The following PALLD variants were observed in gnomAD, a reference collection of about 807,000 sequenced individuals.
PALLD encodes palladin, cytoskeletal associated protein.
A neutral mutation model predicts 123.5 loss-of-function variants in PALLD; 61 were observed. The observed-to-expected ratio is 0.49, with a 90% CI of 0.40 to 0.61. The LOEUF (loss-of-function observed/expected upper bound fraction) is 0.61. Ranked by LOEUF, PALLD falls within the 20% of genes least tolerant of loss-of-function variation. PALLD has a pLI of 0.00. For missense variants in PALLD, 1,273 were observed against 1,377.0 expected (o/e 0.92, Z 1.20); for synonymous variants, 465 against 496.4 (o/e 0.94, Z 0.84).
chr4:168,614,700 A>G (rs1340043760), intron 2 of PALLD, among the ~76,000 whole-genome samples: 1 of 152,202 alleles, frequency 6.6e-6, no homozygotes, highest in African/African-American at 2.4e-5. Flanking sequence ...TTTCTCTATT[A>G]ACTATTTAAA....
At chr4:168,521,982 T>C (rs1763611786) in intron 2 of PALLD, among the ~76,000 whole-genome samples, 2 of 152,224 alleles carry the variant, frequency 1.3e-5, no homozygotes, top group South Asian at 4.1e-4. Context: ...TCCTCCTTCA[T>C]ACAACTAATT....
At chr4:168,808,324 C>T (rs1309760959) in intron 10 of PALLD, among the ~76,000 whole-genome samples, 24 of 151,392 alleles carry the variant, frequency 1.6e-4, no homozygotes, top group Admixed American at 1.5e-3. Flanking sequence ...ACTAAAAATA[C>T]AAAAAATTAG....
intron 15 of PALLD, among the ~76,000 whole-genome samples, chr4:168,907,841 A>G (rs757941686): frequency 8.0e-5 from 12 of 149,848 alleles, no homozygotes; most frequent in East Asian, 2.0e-4. Context: ...TCAAAAGGAG[A>G]AAAAAAAAAG....
intron 10 of PALLD, among the ~76,000 whole-genome samples, chr4:168,725,112 G>A (rs1786417216): frequency 6.6e-6 from 1 of 152,222 alleles, no homozygotes; most frequent in African/African-American, 2.4e-5. Context: ...GCCTCTGGAT[G>A]TGAAGCTAGT....
At chr4:168,641,213 A>G (rs569478250) in intron 2 of PALLD, among the ~76,000 whole-genome samples, 27 of 150,814 alleles carry the variant, frequency 1.8e-4, no homozygotes, top group Non-Finnish European at 3.6e-4. Flanking sequence ...ATCTCAAAAA[A>G]AAAAAAAAAG....
intron 10 of PALLD, among the ~76,000 whole-genome samples, chr4:168,740,482 C>G (rs568047979): frequency 6.6e-6 from 1 of 152,134 alleles, no homozygotes; most frequent in Non-Finnish European, 1.5e-5. Flanking sequence ...CCAAAATTTC[C>G]TCATGCTGTG....
chr4:168,697,619 G>T (rs116202545), intron 8 of PALLD, among the ~76,000 whole-genome samples: 5 of 152,134 alleles, frequency 3.3e-5, no homozygotes, highest in African/African-American at 9.7e-5. Flanking sequence ...GGATCAGCTG[G>T]GAACACTCAT....
At chr4:168,853,912 C>G (rs1456985072) in intron 10 of PALLD, among the ~76,000 whole-genome samples, 1 of 152,168 alleles carries the variant, frequency 6.6e-6, no homozygotes, top group Non-Finnish European at 1.5e-5. Context: ...ACAGGCAGCT[C>G]TGACTTCTGC....
rs574207034 is a variant in PALLD at position 168,761,596 on chromosome 4, G to C, written c.1964+49673G>C. On this transcript the variant is annotated intron_variant, in intron 10 of 21. Coordinates refer to ENST00000505667, the MANE Select transcript of PALLD (RefSeq NM_001166108.2). The stretch of plus-strand genomic sequence containing the variant: ...CTGCCTCAGCCTCCTGAGTAGTGGG[G>C]ACTACACGCACACACCACCACGCCC... Among the ~76,000 whole-genome samples the C allele has an allele frequency of 8.2e-5, 12 of 145,456 alleles. 1 individual carries two copies. The Admixed American group carries it at 8.6e-4, about 10-fold the overall frequency.
intron 10 of PALLD, among the ~76,000 whole-genome samples, chr4:168,808,419 G>T (rs934051341): frequency 6.6e-6 from 1 of 152,140 alleles, no homozygotes; most frequent in Non-Finnish European, 1.5e-5. Flanking sequence ...GGCAGAGGTT[G>T]CAGTGAGCCG....
chr4:168,826,091 C>G (rs1173673989), intron 10 of PALLD, among the ~76,000 whole-genome samples: 1 of 152,146 alleles, frequency 6.6e-6, no homozygotes, highest in Non-Finnish European at 1.5e-5. Flanking sequence ...ATCACATAAA[C>G]AGGCAAATTC....
chr4:168,715,026 A>G lies in PALLD; in HGVS notation c.1964+3103A>G, dbSNP rs371371869. 2.5e-4 allele frequency among the ~76,000 whole-genome samples: 38 copies of G among 152,186 alleles called. 1 individual carries two copies. The highest frequency in any genetic ancestry group is 8.9e-4 in the African/African-American group (37 of 41,508). On this transcript the variant is annotated intron_variant, in intron 10 of 21. Coordinates refer to ENST00000505667, the MANE Select transcript of PALLD (RefSeq NM_001166108.2). ...TACTGTCCAACAGAAGTCGTCACCT[A>G]TAGACTCACAGCCATCCCAGACCTC...
intron 2 of PALLD, among the ~76,000 whole-genome samples, chr4:168,614,816 T>A (rs1374112115): frequency 6.6e-6 from 1 of 152,176 alleles, no homozygotes; most frequent in African/African-American, 2.4e-5. Flanking sequence ...AAAGCATGCG[T>A]TCCTCCCCAG....
chr4:168,636,688 A>G (rs1184318594), intron 2 of PALLD, among the ~76,000 whole-genome samples: 1 of 152,234 alleles, frequency 6.6e-6, no homozygotes, highest in African/African-American at 2.4e-5. Context: ...GACTTTAAGA[A>G]ATCACTTAGT....
At position 168,689,469 on chromosome 4, in the gene PALLD, A is replaced by G. The variant is rs1425144783; in HGVS notation, c.1336-1134A>G. On this transcript the variant is annotated intron_variant, in intron 6 of 21. Coordinates refer to ENST00000505667, the MANE Select transcript of PALLD (RefSeq NM_001166108.2). ...TTTTTTTTTTTTTTTTTTTTTTGAGATGGAGTCTTGCTCTGTCACCCAGGC... is the reference window on the plus strand; with the variant it reads ...TTTTTTTTTTTTTTTTTTTTTTGAGGTGGAGTCTTGCTCTGTCACCCAGGC... Among the ~76,000 whole-genome samples the G allele has an allele frequency of 6.2e-5, 4 of 64,456 alleles. No individual in the cohort carries two copies. In the South Asian group the frequency reaches 1.7e-3, roughly 27 times the overall value. 42.3% of individuals were successfully genotyped at this position (64,456 alleles called of 152,430 possible).
chr4:168,720,774 G>A (rs1785933003), intron 10 of PALLD, among the ~76,000 whole-genome samples: 1 of 152,218 alleles, frequency 6.6e-6, no homozygotes. Context: ...TGCATTAGCA[G>A]TGTTGGTCTT....
intron 6 of PALLD, among the ~76,000 whole-genome samples, chr4:168,689,067 G>A (rs1006320985): frequency 7.2e-5 from 11 of 152,280 alleles, no homozygotes; most frequent in East Asian, 5.8e-4. Context: ...AAGAAAGAAC[G>A]CAATCAGAAA....
At position 168,511,961 on chromosome 4, in the gene PALLD, A is replaced by G; in HGVS notation, c.457A>G (p.Lys153Glu). Reference sequence around the variant, plus strand: ...TGCAAAAACTCCCAGCACAAACGTAAAGCCCAAAACGCCACATCAAAGAAA... The same window carrying G: ...TGCAAAAACTCCCAGCACAAACGTAGAGCCCAAAACGCCACATCAAAGAAA... ...RGAKTPSTNV[K>E]PKTPHQRKGG... The change falls in exon 2 of 22, where the codon AAG becomes GAG. Residue 153 changes from lysine (K) to glutamate (E), a missense_variant. By Grantham distance (56) the Lys-to-Glu change is moderately conservative (BLOSUM62 1). Around this residue, in one of 2 missense-constraint regions of PALLD, gnomAD observed 944 missense variants for 954.5 expected, o/e 0.99. Coordinates refer to ENST00000505667, the MANE Select transcript of PALLD (RefSeq NM_001166108.2). 6.2e-7 allele frequency: 1 copy of G among 1,614,190 alleles called. No individual in the cohort carries two copies.
intron 2 of PALLD, among the ~76,000 whole-genome samples, chr4:168,590,061 G>GGCTCA (rs1400222400): frequency 3.9e-5 from 6 of 152,190 alleles, no homozygotes; most frequent in African/African-American, 1.4e-4. Flanking sequence ...ACTCAGGCTG[G>GGCTCA]GCTCAGTGGC....
Sources: gnomAD v4.1 joint callset for allele counts (sites outside exome capture counted in the v4.1 genomes callset) on GRCh38, gnomAD v4.1.1 for gene constraint, gnomAD v4.1.1 regional missense constraint, MANE v1.5 for transcripts, NCBI Gene and HGNC (gene_info 2026-07-23, HGNC 2026-07-21) for gene names.